ABHD6: variants seen among roughly 807,000 people sequenced by gnomAD.
ABHD6 encodes the protein monoacylglycerol lipase ABHD6.
Under a neutral mutation model 38.8 loss-of-function variants are expected in ABHD6, and 33 were observed. That is an observed-to-expected ratio of 0.85 (90% CI 0.64 to 1.14). The LOEUF is 1.14. ABHD6 is among the 50% of genes most tolerant of loss of function. The pLI is 0.00. For synonymous variants in ABHD6, 147 were observed against 161.6 expected, an observed-to-expected ratio of 0.91 and a Z score of 0.69; for missense variants, 380 against 422.6, an observed-to-expected ratio of 0.90 and a Z score of 0.88.
intron 5 of ABHD6, 94 bp from the exon 6 acceptor site, chr3:58,270,838 G>A: frequency 1.5e-6 from 2 of 1,375,034 alleles, no homozygotes; most frequent in Non-Finnish European, 2.0e-6. Context: ...ATTTTCAGTT[G>A]TCCATAGGAA....
At chr3:58,253,138 T>C (rs902218616) in intron 2 of ABHD6, among the ~76,000 whole-genome samples, 1 of 150,666 alleles carries the variant, frequency 6.6e-6, no homozygotes, top group African/African-American at 2.4e-5. Flanking sequence ...TGACTGGCAT[T>C]GTGGCAGGCA....
chr3:58,292,575 G>A (rs1399819563), intron 9 of ABHD6, among the ~76,000 whole-genome samples: 1 of 152,112 alleles, frequency 6.6e-6, no homozygotes, highest in Non-Finnish European at 1.5e-5. Flanking sequence ...TATCTGCAGA[G>A]GTTAGAGCCA....
chr3:58,293,149 G>C lies in ABHD6; in HGVS notation c.838-440G>C, dbSNP rs909001614. Among the ~76,000 whole-genome samples the C allele has an allele frequency of 1.3e-5, 2 of 151,958 alleles. No homozygotes were observed. Among genetic ancestry groups the C allele is most frequent in the African/African-American group, 4.8e-5 (2 of 41,356 alleles). ...ATGTGCTTGGTGTCTCAGCCGCCGT[G>C]CTCCTTGGTGGCCCCTGCACTCGCC... On this transcript the variant is annotated intron_variant, in intron 9 of 9. Coordinates refer to ENST00000478253, the MANE Select transcript of ABHD6 (RefSeq NM_001320126.2). This position sits in a 1 kb window ranked among gnomAD's most constrained non-coding sequence, Gnocchi z 4.4.
At chr3:58,243,347 T>G (rs1291631870) in intron 1 of ABHD6, among the ~76,000 whole-genome samples, 2 of 152,138 alleles carry the variant, frequency 1.3e-5, no homozygotes, top group Admixed American at 6.6e-5. Flanking sequence ...CAGCCAGTGT[T>G]CTTATCACGA....
At chr3:58,240,911 G>T (rs1199893265) in intron 1 of ABHD6, among the ~76,000 whole-genome samples, 1 of 151,942 alleles carries the variant, frequency 6.6e-6, no homozygotes, top group African/African-American at 2.4e-5. Context: ...TGTATTTTTA[G>T]TAGAGACGGG....
rs769414322 is a variant in ABHD6, at chr3:58,267,142, C to G, written c.120-47C>G. 3 of 1,603,920 alleles carry G rather than the reference C, an allele frequency of 1.9e-6. No individual in the cohort carries two copies. Among genetic ancestry groups the G allele is most frequent in the Non-Finnish European group, 2.6e-6 (3 of 1,174,220 alleles). ...CTGTGCCCATCTTGAAGCCACTCAT[C>G]TAGAGCTTACTGATTTCGTTTTGTC... On this transcript the variant is annotated intron_variant, in intron 3 of 9. Coordinates refer to ENST00000478253, the MANE Select transcript of ABHD6 (RefSeq NM_001320126.2). The surrounding 1 kb of genome is among the most constrained non-coding windows in gnomAD (Gnocchi z 4.3).
chr3:58,239,459 C>A (rs974129824), intron 1 of ABHD6, among the ~76,000 whole-genome samples: 1 of 152,202 alleles, frequency 6.6e-6, no homozygotes, highest in South Asian at 2.1e-4. Flanking sequence ...ACTGACTCTA[C>A]AGAAATTAAC....
chr3:58,288,956 C>G (rs1272377148), intron 9 of ABHD6, among the ~76,000 whole-genome samples: 1 of 152,056 alleles, frequency 6.6e-6, no homozygotes, highest in Non-Finnish European at 1.5e-5. Flanking sequence ...AATTTTGTGC[C>G]TTAGGCAAAT....
At chr3:58,250,240 G>T (rs1322019722) in intron 2 of ABHD6, among the ~76,000 whole-genome samples, 1 of 152,188 alleles carries the variant, frequency 6.6e-6, no homozygotes, top group Non-Finnish European at 1.5e-5. Flanking sequence ...TTCCTGAAAA[G>T]GGGACACTTG....
rs114601440 is a variant in ABHD6 at position 58,293,147 on chromosome 3, G to C, written c.838-442G>C. Among the ~76,000 whole-genome samples, 1 of 151,948 alleles carries C rather than the reference G, an allele frequency of 6.6e-6. No individual in the cohort carries two copies. Among genetic ancestry groups the C allele is most frequent in the Non-Finnish European group, 1.5e-5 (1 of 67,986 alleles). ...CCATGTGCTTGGTGTCTCAGCCGCC[G>C]TGCTCCTTGGTGGCCCCTGCACTCG... On this transcript the variant is annotated intron_variant, in intron 9 of 9. Coordinates refer to ENST00000478253, the MANE Select transcript of ABHD6 (RefSeq NM_001320126.2). The surrounding 1 kb of genome is among the most constrained non-coding windows in gnomAD (Gnocchi z 4.4).
chr3:58,243,754 GAGTTCA>G (rs1441743480), intron 1 of ABHD6, among the ~76,000 whole-genome samples: 2 of 151,936 alleles, frequency 1.3e-5, no homozygotes. Flanking sequence ...TCTGCCTCCT[GAGTTCA>G]AGGCATTCTT....
chr3:58,245,608 G>A (rs911689892), intron 1 of ABHD6, among the ~76,000 whole-genome samples: 2 of 152,028 alleles, frequency 1.3e-5, no homozygotes, highest in Admixed American at 1.3e-4. Context: ...GCAAAACCCT[G>A]TCTCTACTAA....
In ABHD6 at chr3:58,293,446, A is replaced by T; in HGVS notation, c.838-143A>T. 2 of 796,092 alleles carry T rather than the reference A, an allele frequency of 2.5e-6. No homozygotes were observed. Among genetic ancestry groups the T allele is most frequent in the Non-Finnish European group, 3.9e-6 (2 of 514,634 alleles). The allele number at this position is 796,092 out of a possible 1,614,324, so 49.3% of individuals were successfully genotyped here. Reference sequence around the variant, plus strand: ...TCCATTCAGACAGCCACAAGCCCCAACACCAAAGGGACTTGGTCCTAAAAT... The same window carrying T: ...TCCATTCAGACAGCCACAAGCCCCATCACCAAAGGGACTTGGTCCTAAAAT... On this transcript the variant is annotated intron_variant, in intron 9 of 9. Coordinates refer to ENST00000478253, the MANE Select transcript of ABHD6 (RefSeq NM_001320126.2). This position sits in a 1 kb window ranked among gnomAD's most constrained non-coding sequence, Gnocchi z 4.4.
intron 4 of ABHD6, among the ~76,000 whole-genome samples, chr3:58,268,337 C>T (rs1462575648): frequency 1.3e-5 from 2 of 152,180 alleles, no homozygotes; most frequent in Admixed American, 6.5e-5. Context: ...CTTTTCCTTT[C>T]CTTCCCACTC....
At chr3:58,260,364 G>A (rs75456606) in intron 3 of ABHD6, among the ~76,000 whole-genome samples, 1 of 152,048 alleles carries the variant, frequency 6.6e-6, no homozygotes, top group African/African-American at 2.4e-5. Context: ...CAGCTGGTTT[G>A]GGAAGATGAA....
intron 3 of ABHD6, among the ~76,000 whole-genome samples, chr3:58,261,249 T>C (rs1427702266): frequency 6.6e-6 from 1 of 151,964 alleles, no homozygotes; most frequent in African/African-American, 2.4e-5. Flanking sequence ...AAAGAAGAAA[T>C]AATAATAATC....
At chr3:58,242,463 G>T (rs755143917) in intron 1 of ABHD6, among the ~76,000 whole-genome samples, 2 of 152,214 alleles carry the variant, frequency 1.3e-5, no homozygotes, top group Non-Finnish European at 2.9e-5. Flanking sequence ...AGGAATGCCT[G>T]CATTGACACT....
At position 58,267,360 on chromosome 3, in the gene ABHD6, T is replaced by C. The variant is rs377562497; in HGVS notation, c.276+15T>C. On this transcript the variant is annotated intron_variant, in intron 4 of 9. Coordinates refer to ENST00000478253, the MANE Select transcript of ABHD6 (RefSeq NM_001320126.2). The surrounding 1 kb of genome is among the most constrained non-coding windows in gnomAD (Gnocchi z 4.3). Reference sequence around the variant, plus strand: ...GTGTGGTCAAGGTGCAATTCTCGATTCTTCTCTCTTATAAGAAAAGGGAGT... The same window carrying C: ...GTGTGGTCAAGGTGCAATTCTCGATCCTTCTCTCTTATAAGAAAAGGGAGT... 4 of 1,613,726 alleles carry C rather than the reference T, an allele frequency of 2.5e-6. No individual in the cohort carries two copies. The highest frequency in any genetic ancestry group is 3.4e-6 in the Non-Finnish European group (4 of 1,179,892).
Position 58,285,103 on chromosome 3 carries a change from G to T in ABHD6, c.700G>T (p.Asp234Tyr), listed in dbSNP as rs764279902. The change falls in exon 8 of 10, where the codon GAT (aspartate) becomes TAT (tyrosine). Residue 234 changes from aspartate (D) to tyrosine (Y), a missense_variant. Transcript: ENST00000478253. This position sits in a 1 kb window ranked among gnomAD's most constrained non-coding sequence, Gnocchi z 4.9. The stretch of plus-strand genomic sequence containing the variant: ...TCCTTAGATCCTGCAAGGCCTTGTC[G>T]ATGTCCGCATCCCTCATAACAACTT... ...VPQQILQGLV[D>Y]VRIPHNNFYR... is the part of the protein sequence containing the mutation. 6.2e-7 allele frequency: 1 copy of T among 1,614,042 alleles called. No homozygotes were observed. Among genetic ancestry groups the T allele is most frequent in the Non-Finnish European group, 8.5e-7 (1 of 1,180,030 alleles).
Sources: allele counts gnomAD v4.1 joint callset (sites outside exome capture counted in the v4.1 genomes callset), GRCh38; gene constraint gnomAD v4.1.1; non-coding constraint Gnocchi (gnomAD v3.1); transcripts MANE v1.5; gene names NCBI Gene and HGNC (gene_info 2026-07-23, HGNC 2026-07-21).